The following AKAP7 variants were observed in gnomAD, a reference collection of about 807,000 sequenced individuals.
The protein encoded by AKAP7 is A-kinase anchoring protein 7, also known as A kinase (PRKA) anchor protein 7.
A neutral mutation model predicts 39.5 loss-of-function variants in AKAP7; 39 were observed. The observed-to-expected ratio is 0.99, with a 90% CI of 0.76 to 1.29. The LOEUF (loss-of-function observed/expected upper bound fraction) is 1.29. Among genes scored for constraint, AKAP7 ranks in the 50% most tolerant of loss-of-function variants. AKAP7 has a pLI of 0.00. For missense variants in AKAP7, 414 were observed against 407.7 expected, an observed-to-expected ratio of 1.02 and a Z score of -0.13; for synonymous variants, 140 against 139.1, an observed-to-expected ratio of 1.01 and a Z score of -0.05.
intron 4 of AKAP7, among the ~76,000 whole-genome samples, chr6:131,166,010 G>T (rs1803445637): frequency 6.6e-6 from 1 of 152,136 alleles, no homozygotes; most frequent in South Asian, 2.1e-4. Context: ...TGAGGAGCAA[G>T]GCTTGAATTA....
At chr6:131,213,572 C>A (rs1346547841) in intron 6 of AKAP7, among the ~76,000 whole-genome samples, 2 of 152,046 alleles carry the variant, frequency 1.3e-5, no homozygotes, top group African/African-American at 2.4e-5. Flanking sequence ...CAAGACTGTT[C>A]CAAGCCAAGA....
intron 3 of AKAP7, among the ~76,000 whole-genome samples, chr6:131,163,620 G>T (rs1803199745): frequency 6.6e-6 from 1 of 152,092 alleles, no homozygotes; most frequent in Non-Finnish European, 1.5e-5. Flanking sequence ...TAGAAGTTCG[G>T]AATTCTTTAT....
At chr6:131,185,538 G>A in intron 5 of AKAP7, 1 of 196,656 alleles carries the variant, frequency 5.1e-6, no homozygotes, top group East Asian at 1.1e-4. Flanking sequence ...GTATGAGGTG[G>A]TATTTCATTT....
intron 7 of AKAP7, among the ~76,000 whole-genome samples, chr6:131,236,382 A>G (rs1424480089): frequency 2.6e-5 from 4 of 152,214 alleles, no homozygotes; most frequent in Admixed American, 2.0e-4. Context: ...TGCCTTGGCA[A>G]TGTGGGCTCT....
Position 131,231,004 on chromosome 6 carries a change from G to A in AKAP7, c.850+11196G>A, listed in dbSNP as rs927052335. ...ATAAAGGAGTCCTGAGGCCAAAAAC[G>A]TTAAAAGAAACCTCTGCTTTAGTTC... On this transcript the variant is annotated intron_variant, in intron 7 of 7. Transcript: ENST00000431975. Among the ~76,000 whole-genome samples, 5 of 152,096 alleles carry A rather than the reference G, an allele frequency of 3.3e-5. No individual in the cohort carries two copies. In the East Asian group the frequency reaches 5.8e-4, roughly 18 times the overall value.
intron 5 of AKAP7, among the ~76,000 whole-genome samples, chr6:131,183,881 G>A (rs1008970519): frequency 2.2e-4 from 34 of 152,122 alleles, no homozygotes; most frequent in African/African-American, 8.0e-4. Context: ...TCAGCTGCTC[G>A]CTACCAGCTG....
intron 7 of AKAP7, among the ~76,000 whole-genome samples, chr6:131,241,637 A>ATATATGTGTGTGTGTG (rs1554217972): frequency 1.3e-5 from 1 of 78,788 alleles, no homozygotes; most frequent in Non-Finnish European, 3.0e-5. Flanking sequence ...GTATATATAT[A>ATATATGTGTGTGTGTG]TGACAGTTAT....
intron 7 of AKAP7, among the ~76,000 whole-genome samples, chr6:131,232,558 G>C (rs1056054309): frequency 1.3e-5 from 2 of 152,124 alleles, no homozygotes; most frequent in African/African-American, 4.8e-5. Context: ...CCGGCCGGTG[G>C]CTCACACCTG....
At position 131,281,549 on chromosome 6, in the gene AKAP7, G is replaced by A. The variant is rs887274338; in HGVS notation, c.870G>A (p.Glu290=). 2 of 1,609,298 alleles carry A rather than the reference G, an allele frequency of 1.2e-6. No homozygotes were observed. The highest frequency in any genetic ancestry group is 2.7e-5 in the African/African-American group (2 of 74,704). ...ATGTAGGTGAAAAGAACGGAGGGGA[G>A]CCCGATGACGCTGAACTAGTAAGGC... ...SIVIGEKNGG[E]PDDAELVRLS... is the part of the protein sequence containing the mutation. Residue 290 remains glutamate (E), a synonymous_variant, in exon 8 of 8, where the codon GAG becomes GAA. Transcript: ENST00000431975. This position sits in a 1 kb window ranked among gnomAD's most constrained non-coding sequence, Gnocchi z 4.0.
intron 6 of AKAP7, among the ~76,000 whole-genome samples, chr6:131,202,296 A>G (rs1807648017): frequency 7.0e-6 from 1 of 143,656 alleles, no homozygotes; most frequent in African/African-American, 2.6e-5. Flanking sequence ...TGCTGCTATA[A>G]AGACACGTGC....
chr6:131,173,645 C>G (rs921714943), intron 5 of AKAP7, among the ~76,000 whole-genome samples: 2 of 152,162 alleles, frequency 1.3e-5, no homozygotes, highest in South Asian at 2.1e-4. Flanking sequence ...TCTAATTGTT[C>G]TGAGGGCAAA....
In AKAP7 at chr6:131,183,436, G is replaced by A. The variant is rs144956642; in HGVS notation, c.589+14163G>A. On this transcript the variant is annotated intron_variant, in intron 5 of 7. Transcript: ENST00000431975. The stretch of plus-strand genomic sequence containing the variant: ...TCAGGGCAGGAGGCTGAATGCCCAG[G>A]TCCAGGAAGAACAAAAAGGGGATTT... Among the ~76,000 whole-genome samples, 1,331 of 152,212 alleles carry A rather than the reference G, an allele frequency of 8.7e-3. 18 individuals are homozygous for A. Among genetic ancestry groups the A allele is most frequent in the African/African-American group, 0.03 (1,256 of 41,518 alleles).
At chr6:131,241,621 G>GTATATATA (rs1221493841) in intron 7 of AKAP7, among the ~76,000 whole-genome samples, 7 of 71,578 alleles carry the variant, frequency 9.8e-5, no homozygotes, top group Non-Finnish European at 2.4e-4. Context: ...GTGTGTGTGT[G>GTATATATA]TGTGTGTATA....
intron 6 of AKAP7, among the ~76,000 whole-genome samples, chr6:131,199,784 T>C (rs1444916426): frequency 6.6e-6 from 1 of 152,206 alleles, no homozygotes. Context: ...CCACGATGGC[T>C]GTTCTTGCAT....
intron 7 of AKAP7, among the ~76,000 whole-genome samples, chr6:131,260,175 G>T (rs1813196552): frequency 1.3e-5 from 2 of 152,030 alleles, no homozygotes; most frequent in African/African-American, 4.8e-5. Context: ...TGGTGTATAT[G>T]TACCACATTT....
intron 6 of AKAP7, among the ~76,000 whole-genome samples, chr6:131,213,866 G>A (rs1808906959): frequency 6.6e-6 from 1 of 152,168 alleles, no homozygotes; most frequent in Non-Finnish European, 1.5e-5. Flanking sequence ...GCATTGCAGT[G>A]TTCTAGCGCT....
chr6:131,244,366 T>A (rs1811834879), intron 7 of AKAP7, among the ~76,000 whole-genome samples: 1 of 152,180 alleles, frequency 6.6e-6, no homozygotes, highest in African/African-American at 2.4e-5. Context: ...TATGTGATGA[T>A]CATATTAGCT....
rs538699977 is a variant in AKAP7, at chr6:131,264,641, G to A, written c.851-16889G>A. ...AGTGTCTCTTTCATTTAAATCAAAT[G>A]GTGATAATAGTAGCTATGTTAGGCC... is the stretch of plus-strand genomic sequence containing the variant. On this transcript the variant is annotated intron_variant, in intron 7 of 7. Transcript: ENST00000431975. 1.0e-3 allele frequency among the ~76,000 whole-genome samples: 155 copies of A among 152,254 alleles called. 1 individual carries two copies. Among genetic ancestry groups the A allele is most frequent in the South Asian group, 1.9e-3 (9 of 4,832 alleles).
In AKAP7 at chr6:131,174,514, G is replaced by C. The variant is rs1804388854; in HGVS notation, c.589+5241G>C. The stretch of plus-strand genomic sequence containing the variant: ...AGACTGAGGTAGGAGGATCACTTGA[G>C]CTCAGGGCCTGGAGGTTACAGTGAG... On this transcript the variant is annotated intron_variant, in intron 5 of 7. Coordinates refer to ENST00000431975, the MANE Select transcript of AKAP7 (RefSeq NM_016377.4). Among the ~76,000 whole-genome samples the C allele has an allele frequency of 2.0e-5, 3 of 152,236 alleles. No homozygotes were observed. In the South Asian group the frequency reaches 6.2e-4, roughly 31 times the overall value.
Sources: gnomAD v4.1 joint callset for allele counts (sites outside exome capture counted in the v4.1 genomes callset) on GRCh38, gnomAD v4.1.1 for gene constraint, Gnocchi (gnomAD v3.1) non-coding constraint, MANE v1.5 for transcripts, NCBI Gene and HGNC (gene_info 2026-07-23, HGNC 2026-07-21) for gene names.